Variants in TMEM232 observed in about 807,000 individuals in gnomAD.
The protein encoded by TMEM232 is transmembrane protein 232.
In TMEM232, 80 loss-of-function variants were observed where a neutral mutation model predicts 78.8. The ratio of observed to expected loss-of-function variants is 1.01; its 90% CI spans 0.85 to 1.22. The LOEUF is 1.22. TMEM232 is among the 50% of genes most tolerant of loss of function. TMEM232 has a pLI of 0.00. For missense variants in TMEM232, 881 were observed against 742.2 expected (o/e 1.19, Z -2.17); for synonymous variants, 297 against 254.3 (o/e 1.17, Z -1.60).
rs1768245769 is a variant in TMEM232 at position 110,514,249 on chromosome 5, G to GA, written c.1703+14338_1703+14339insT. On this transcript the variant is annotated intron_variant, in intron 12 of 13. Coordinates refer to ENST00000455884, the MANE Select transcript of TMEM232 (RefSeq NM_001039763.4). ...TTGCTTTTTAATTAAATAACTAGAA[G>GA]CAGGAAGGGAAACATAAAATAACCA... Among the ~76,000 whole-genome samples, 4 of 151,922 alleles carry GA rather than the reference G, an allele frequency of 2.6e-5. No individual in the cohort carries two copies. In the South Asian group the frequency reaches 6.2e-4, roughly 24 times the overall value.
At chr5:110,689,013 T>C (rs1793766030) in intron 1 of TMEM232, among the ~76,000 whole-genome samples, 1 of 152,324 alleles carries the variant, frequency 6.6e-6, no homozygotes, top group Middle Eastern at 3.4e-3. Flanking sequence ...ATTTTTCCTT[T>C]GACCCTTTTG....
intron 1 of TMEM232, among the ~76,000 whole-genome samples, chr5:110,701,493 G>T (rs1390786367): frequency 6.6e-6 from 1 of 151,970 alleles, no homozygotes; most frequent in Non-Finnish European, 1.5e-5. Context: ...ATTTGTACAA[G>T]GTTTGAGCAT....
At chr5:110,402,910 C>T (rs919712158) in intron 2 of TMEM232, among the ~76,000 whole-genome samples, 1 of 151,842 alleles carries the variant, frequency 6.6e-6, no homozygotes, top group African/African-American at 2.4e-5. Context: ...GAGAAGGTTG[C>T]CAAAGAGACA....
intron 12 of TMEM232, among the ~76,000 whole-genome samples, chr5:110,485,469 G>C (rs1764360176): frequency 6.6e-6 from 1 of 151,930 alleles, no homozygotes; most frequent in Non-Finnish European, 1.5e-5. Context: ...CCTAACTCTT[G>C]CAGGCCAAGT....
At chr5:110,576,240 G>C (rs1219914753) in intron 10 of TMEM232, among the ~76,000 whole-genome samples, 15 of 151,908 alleles carry the variant, frequency 9.9e-5, no homozygotes, top group Admixed American at 7.2e-4. Flanking sequence ...TACACCAAAA[G>C]CGGTCCAGCC....
intron 11 of TMEM232, among the ~76,000 whole-genome samples, chr5:110,555,697 G>C (rs920605780): frequency 6.6e-6 from 1 of 152,070 alleles, no homozygotes; most frequent in Non-Finnish European, 1.5e-5. Context: ...GGGTAAATAG[G>C]TATTTAGGAT....
chr5:110,592,004 T>C (rs1180723753), intron 10 of TMEM232, among the ~76,000 whole-genome samples: 1 of 152,128 alleles, frequency 6.6e-6, no homozygotes, highest in African/African-American at 2.4e-5. Flanking sequence ...TGATCATGCA[T>C]GCAGGACACC....
chr5:110,504,183 A>C (rs1160416839), intron 12 of TMEM232, among the ~76,000 whole-genome samples: 1 of 152,172 alleles, frequency 6.6e-6, no homozygotes, highest in Admixed American at 6.5e-5. Context: ...ACTAGTTTTC[A>C]TCTTAAATAT....
At chr5:110,677,946 T>C (rs192644888) in intron 1 of TMEM232, among the ~76,000 whole-genome samples, 1 of 152,244 alleles carries the variant, frequency 6.6e-6, no homozygotes, top group Admixed American at 6.5e-5. Flanking sequence ...CAATCCAAAT[T>C]GGATAAAATT....
At chr5:110,708,595 A>AGG (rs1796173462) in intron 1 of TMEM232, among the ~76,000 whole-genome samples, 3 of 106,244 alleles carry the variant, frequency 2.8e-5, no homozygotes, top group African/African-American at 1.0e-4. Context: ...AGTTAAAAAG[A>AGG]GTTTTTATTA....
At chr5:110,669,271 G>C (rs1791040373) in intron 1 of TMEM232, among the ~76,000 whole-genome samples, 1 of 152,072 alleles carries the variant, frequency 6.6e-6, no homozygotes, top group Non-Finnish European at 1.5e-5. Context: ...GAATCAAATA[G>C]ATGCAATAAA....
intron 8 of TMEM232, among the ~76,000 whole-genome samples, chr5:110,615,463 A>G (rs768868999): frequency 2.0e-5 from 3 of 151,998 alleles, no homozygotes; most frequent in Non-Finnish European, 2.9e-5. Context: ...CTCTCTGATC[A>G]GTTTCCTCAG....
intron 10 of TMEM232, among the ~76,000 whole-genome samples, chr5:110,577,338 C>G (rs2149713484): frequency 6.6e-6 from 1 of 152,208 alleles, no homozygotes; most frequent in Admixed American, 6.5e-5. Flanking sequence ...CATCTTACAC[C>G]AGTCAGAATG....
rs117221678 is a variant in TMEM232 at position 110,467,078 on chromosome 5, G to C, written c.1704-42162C>G. ...AATATATATATTATGGTTATAATCA[G>C]AAAAAAAATTTAAAGAAGATGGACG... On this transcript the variant is annotated intron_variant, in intron 12 of 13. Coordinates refer to ENST00000455884, the MANE Select transcript of TMEM232 (RefSeq NM_001039763.4). Among the ~76,000 whole-genome samples the C allele has an allele frequency of 6.0e-3, 905 of 151,702 alleles. 9 individuals carry two copies. Among genetic ancestry groups the C allele is most frequent in the East Asian group, 0.043 (220 of 5,172 alleles).
upstream of TMEM232, among the ~76,000 whole-genome samples, chr5:110,728,070 A>G (rs1798329603): frequency 6.6e-6 from 1 of 152,180 alleles, no homozygotes. Flanking sequence ...TGAATTAAAA[A>G]GGAATAAAAG....
intron 11 of TMEM232, among the ~76,000 whole-genome samples, chr5:110,535,341 C>T (rs1367789854): frequency 1.3e-5 from 2 of 151,646 alleles, no homozygotes; most frequent in African/African-American, 4.9e-5. Flanking sequence ...TCACTCCTGC[C>T]TGCCAGAGAA....
At chr5:110,723,456 A>G (rs976942334) in intron 1 of TMEM232, among the ~76,000 whole-genome samples, 3 of 152,208 alleles carry the variant, frequency 2.0e-5, no homozygotes, top group Non-Finnish European at 4.4e-5. Context: ...TACATTGATC[A>G]CAAGTTGTTT....
chr5:110,621,761 T>A (rs1182690630), intron 7 of TMEM232, among the ~76,000 whole-genome samples: 1 of 152,034 alleles, frequency 6.6e-6, no homozygotes, highest in Non-Finnish European at 1.5e-5. Flanking sequence ...CTTTTTTGGC[T>A]TTTATAACCA....
intron 2 of TMEM232, among the ~76,000 whole-genome samples, chr5:110,653,405 A>G (rs1788602228): frequency 6.6e-6 from 1 of 152,214 alleles, no homozygotes; most frequent in African/African-American, 2.4e-5. Flanking sequence ...AGTGCTGTAA[A>G]ACTGTTAGTT....
Sources: allele counts gnomAD v4.1 joint callset (sites outside exome capture counted in the v4.1 genomes callset), GRCh38; gene constraint gnomAD v4.1.1; transcripts MANE v1.5; gene names NCBI Gene and HGNC (gene_info 2026-07-23, HGNC 2026-07-21).